EPHA4: variants seen among roughly 807,000 people sequenced by gnomAD.
The protein encoded by EPHA4 is EPH receptor A4, also known as ephrin type-A receptor 4.
Under a neutral mutation model 108.3 loss-of-function variants are expected in EPHA4, and 19 were observed. The ratio of observed to expected loss-of-function variants is 0.18; its 90% CI spans 0.12 to 0.26. The LOEUF (loss-of-function observed/expected upper bound fraction) is 0.26, where lower values mean the gene tolerates loss of function less well. Among genes scored for constraint, EPHA4 ranks in the 10% least tolerant of loss-of-function variants. The pLI, the probability that EPHA4 is intolerant of heterozygous loss-of-function variation, is 1.00. For synonymous variants in EPHA4, 449 were observed against 455.5 expected, an observed-to-expected ratio of 0.99 and a Z score of 0.18; for missense variants, 917 against 1,254.0, an observed-to-expected ratio of 0.73 and a Z score of 4.06.
chr2:221,525,373 G>A (rs148904044), intron 3 of EPHA4, among the ~76,000 whole-genome samples: 61 of 152,294 alleles, frequency 4.0e-4, no homozygotes, highest in Non-Finnish European at 4.9e-4. Flanking sequence ...AGGAAAACGA[G>A]TTACCATATG....
At chr2:221,556,295 ACTTT>A (rs908858444) in intron 3 of EPHA4, among the ~76,000 whole-genome samples, 72 of 152,084 alleles carry the variant, frequency 4.7e-4, no homozygotes, top group African/African-American at 1.5e-3. Context: ...TTGTTTTACT[ACTTT>A]CTTTCTTTCT....
chr2:221,431,191 G>A (rs1301903102), intron 14 of EPHA4, among the ~76,000 whole-genome samples: 1 of 152,206 alleles, frequency 6.6e-6, no homozygotes, highest in Non-Finnish European at 1.5e-5. Context: ...TTCTGGAGGT[G>A]CTTTTATTTG....
intron 4 of EPHA4, among the ~76,000 whole-genome samples, chr2:221,482,946 C>T (rs1395415218): frequency 1.3e-5 from 2 of 152,200 alleles, no homozygotes; most frequent in African/African-American, 2.4e-5. Flanking sequence ...AGCAACTCTC[C>T]AGCAAATGGG....
chr2:221,480,362 G>A (rs746824749), intron 5 of EPHA4, among the ~76,000 whole-genome samples: 8 of 152,118 alleles, frequency 5.3e-5, no homozygotes, highest in Non-Finnish European at 1.2e-4. Context: ...CGAATGAATA[G>A]CCAAAAAGGT....
rs1293419808 is a variant in EPHA4, at chr2:221,571,046, C to T, written c.91+1112G>A. Among the ~76,000 whole-genome samples, 3 of 152,176 alleles carry T rather than the reference C, an allele frequency of 2.0e-5. No individual in the cohort carries two copies. The highest frequency in any genetic ancestry group is 2.1e-4 in the South Asian group (1 of 4,820). On this transcript the variant is annotated intron_variant, in intron 1 of 17. Coordinates refer to ENST00000281821, the MANE Select transcript of EPHA4 (RefSeq NM_004438.5). The surrounding 1 kb of genome is among the most constrained non-coding windows in gnomAD (Gnocchi z 6.3). Reference sequence around the variant, plus strand: ...GAGCACGAGCATACACTCGAACACACGCGCACACACTCAGGACATCTGCGC... The same window carrying T: ...GAGCACGAGCATACACTCGAACACATGCGCACACACTCAGGACATCTGCGC...
chr2:221,557,162 C>T (rs1288460193), intron 3 of EPHA4, among the ~76,000 whole-genome samples: 1 of 152,166 alleles, frequency 6.6e-6, no homozygotes, highest in African/African-American at 2.4e-5. Context: ...CATAGCTGGA[C>T]CACATGGAGA....
chr2:221,540,967 G>A (rs1167057843), intron 3 of EPHA4, among the ~76,000 whole-genome samples: 1 of 149,412 alleles, frequency 6.7e-6, no homozygotes, highest in African/African-American at 2.5e-5. Context: ...GTATGGCGGG[G>A]AGAGAGTCTT....
chr2:221,563,708 A>C (rs1430860078), intron 3 of EPHA4, 23 bp downstream of exon 3: 5 of 1,607,492 alleles, frequency 3.1e-6, no homozygotes, highest in Non-Finnish European at 4.3e-6. Flanking sequence ...CCAGTGAAAA[A>C]ACTGCAATAT....
At chr2:221,485,217 CAG>C (rs777834997) in intron 4 of EPHA4, among the ~76,000 whole-genome samples, 14 of 152,034 alleles carry the variant, frequency 9.2e-5, no homozygotes, top group Non-Finnish European at 2.1e-4. Flanking sequence ...AGTGTCTAAA[CAG>C]AGAAGAAATG....
Position 221,455,677 on chromosome 2 carries a change from T to A in EPHA4, c.1604-19A>T, listed in dbSNP as rs764036867. ...GAAGGCACTGGGAATGACAATTGCA[T>A]AAGGGTCACCTTTGGGAAAGTCTTA... On this transcript the variant is annotated intron_variant, in intron 7 of 17. Transcript: ENST00000281821. 4 of 1,578,006 alleles carry A rather than the reference T, an allele frequency of 2.5e-6. No homozygotes were observed. The highest frequency in any genetic ancestry group is 3.4e-5 in the Admixed American group (2 of 59,678).
intron 17 of EPHA4, among the ~76,000 whole-genome samples, chr2:221,423,247 G>A (rs944510741): frequency 2.0e-5 from 3 of 152,212 alleles, no homozygotes; most frequent in African/African-American, 7.2e-5. Flanking sequence ...TTTCCAGGTG[G>A]AGGAACTGAG....
intron 14 of EPHA4, 82 bp from the exon 15 acceptor site, chr2:221,430,233 T>G: frequency 7.0e-7 from 1 of 1,426,146 alleles, no homozygotes; most frequent in Non-Finnish European, 9.5e-7. Context: ...GCATGTTTCT[T>G]GTGCATGAAG....
intron 3 of EPHA4, among the ~76,000 whole-genome samples, chr2:221,501,519 G>A (rs927744135): frequency 6.6e-6 from 1 of 152,058 alleles, no homozygotes; most frequent in African/African-American, 2.4e-5. Context: ...ACCCCTTTTC[G>A]ACAGGCATTA....
intron 3 of EPHA4, among the ~76,000 whole-genome samples, chr2:221,521,329 A>T (rs1247537450): frequency 6.6e-6 from 1 of 152,236 alleles, no homozygotes; most frequent in African/African-American, 2.4e-5. Flanking sequence ...ATGTTACAGG[A>T]TATTTTAAAA....
intron 15 of EPHA4, among the ~76,000 whole-genome samples, chr2:221,428,352 C>T (rs1459581276): frequency 6.6e-6 from 1 of 152,166 alleles, no homozygotes; most frequent in Non-Finnish European, 1.5e-5. Flanking sequence ...GAATCACATA[C>T]CATGTTATAC....
intron 5 of EPHA4, 35 bp downstream of exon 5, chr2:221,482,317 T>G: frequency 6.6e-7 from 1 of 1,521,444 alleles, no homozygotes; most frequent in Non-Finnish European, 8.9e-7. Flanking sequence ...TCTGTATACA[T>G]TCAGATCATA....
intron 8 of EPHA4, among the ~76,000 whole-genome samples, chr2:221,454,713 C>T (rs140915715): frequency 4.4e-4 from 67 of 152,194 alleles, no homozygotes; most frequent in Middle Eastern, 3.4e-3. Context: ...TCTGGGCAGA[C>T]GATGGGAGTG....
At chr2:221,446,482 A>G (rs1479358070) in intron 8 of EPHA4, among the ~76,000 whole-genome samples, 5 of 152,268 alleles carry the variant, frequency 3.3e-5, no homozygotes, top group African/African-American at 1.2e-4. Flanking sequence ...GAGAAAATTT[A>G]TCTTATTGAA....
At chr2:221,536,361 G>A (rs913161824) in intron 3 of EPHA4, among the ~76,000 whole-genome samples, 1 of 152,164 alleles carries the variant, frequency 6.6e-6, no homozygotes, top group African/African-American at 2.4e-5. Flanking sequence ...CTTTAAATGA[G>A]AAATGGTTTT....
Sources: allele counts gnomAD v4.1 joint callset (sites outside exome capture counted in the v4.1 genomes callset), GRCh38; gene constraint gnomAD v4.1.1; non-coding constraint Gnocchi (gnomAD v3.1); transcripts MANE v1.5; gene names NCBI Gene and HGNC (gene_info 2026-07-23, HGNC 2026-07-21).